Variants in CLGN observed in about 807,000 individuals in gnomAD.
The protein encoded by CLGN is testis tissue sperm-binding protein Li 79P.
In CLGN, 62 loss-of-function variants were observed where a neutral mutation model predicts 79.1. The ratio of observed to expected loss-of-function variants is 0.78; its 90% confidence interval spans 0.64 to 0.97. The LOEUF is 0.97. Ranked by LOEUF, CLGN falls within the 50% of genes least tolerant of loss-of-function variation. The pLI, the probability that CLGN is intolerant of heterozygous loss-of-function variation, is 0.00. For missense variants in CLGN, 647 were observed against 715.5 expected, an observed-to-expected ratio of 0.90 and a Z score of 1.09; for synonymous variants, 225 against 224.7, an observed-to-expected ratio of 1.00 and a Z score of -0.01.
At chr4:140,417,449 A>T (rs1279908616) in intron 1 of CLGN, among the ~76,000 whole-genome samples, 30 of 137,466 alleles carry the variant, frequency 2.2e-4, no homozygotes, top group Non-Finnish European at 3.6e-4. Flanking sequence ...TATCTAGAAA[A>T]CCCCATTGTC....
intron 8 of CLGN, among the ~76,000 whole-genome samples, chr4:140,397,336 T>C (rs1728909584): frequency 6.6e-6 from 1 of 152,144 alleles, no homozygotes; most frequent in South Asian, 2.1e-4. Context: ...GCATAAGTGA[T>C]ACACAAAAAC....
In CLGN at chr4:140,401,939, A is replaced by G. The variant is rs779307612; in HGVS notation, c.501+46T>C. ...GTTTTATCATTTGTTCCTTAAAAAT[A>G]CTTATTAACTTTAATAAGGTTTTCT... On this transcript the variant is annotated intron_variant, in intron 6 of 14. Transcript: ENST00000325617. 5.0e-6 allele frequency: 5 copies of G among 1,009,296 alleles called. No individual in the cohort carries two copies. The South Asian group carries it at 7.6e-5, about 15-fold the overall frequency. 62.5% of individuals were successfully genotyped at this position (1,009,296 alleles called of 1,614,324 possible). A position where few individuals can be genotyped will look rare whatever the true frequency, so the allele number is the denominator to read the frequency against.
chr4:140,399,070 T>C, intron 7 of CLGN, 30 bp from the exon 8 acceptor site: 3 of 1,544,764 alleles, frequency 1.9e-6, no homozygotes, highest in Non-Finnish European at 2.6e-6. Flanking sequence ...AAATTATAGT[T>C]ATCATTTTGA....
chr4:140,405,533 A>G (rs571371572), intron 5 of CLGN, among the ~76,000 whole-genome samples: 3 of 152,352 alleles, frequency 2.0e-5, no homozygotes, highest in South Asian at 4.1e-4. Context: ...TTTACTATGC[A>G]TTATATAGTT....
At chr4:140,392,777 TA>T (rs1728800148) in intron 11 of CLGN, 66 bp from the exon 12 acceptor site, 1 of 1,430,506 alleles carries the variant, frequency 7.0e-7, no homozygotes, top group Non-Finnish European at 9.2e-7. Flanking sequence ...TAACACAAGA[TA>T]CAAAAAAACT....
intron 1 of CLGN, among the ~76,000 whole-genome samples, chr4:140,417,990 G>C (rs1729378922): frequency 6.6e-6 from 1 of 152,124 alleles, no homozygotes; most frequent in Non-Finnish European, 1.5e-5. Context: ...CATGGTACTG[G>C]TACCAAAACA....
At chr4:140,422,192 A>C (rs1273535142) in intron 1 of CLGN, among the ~76,000 whole-genome samples, 1 of 152,224 alleles carries the variant, frequency 6.6e-6, no homozygotes, top group African/African-American at 2.4e-5. Flanking sequence ...CTTTGTAATA[A>C]GTTTTGAAAC....
intron 2 of CLGN, 83 bp from the exon 3 acceptor site, chr4:140,410,709 T>TATGTA: frequency 1.2e-6 from 1 of 848,424 alleles, no homozygotes; most frequent in East Asian, 2.5e-5. Context: ...AAGAACATAG[T>TATGTA]ATGTAATGCA....
At chr4:140,409,058 G>A (rs1729164361) in intron 4 of CLGN, among the ~76,000 whole-genome samples, 1 of 151,874 alleles carries the variant, frequency 6.6e-6, no homozygotes, top group South Asian at 2.1e-4. Context: ...CTATGAAAAG[G>A]AAGCAGACAG....
At chr4:140,405,604 A>C (rs945296578) in intron 5 of CLGN, among the ~76,000 whole-genome samples, 1 of 152,224 alleles carries the variant, frequency 6.6e-6, no homozygotes, top group Non-Finnish European at 1.5e-5. Context: ...TTTTTTTAAG[A>C]GAGCCAAACT....
rs760197947 is a variant in CLGN at position 140,393,888 on chromosome 4, C to T, written c.1303G>A (p.Val435Ile). 4 of 1,613,648 alleles carry T rather than the reference C, an allele frequency of 2.5e-6. No homozygotes were observed. The highest frequency in any genetic ancestry group is 2.7e-5 in the African/African-American group (2 of 74,926). Residue 435 changes from valine (V) to isoleucine (I), a missense_variant, in exon 11 of 15, where the codon GTA (valine) becomes ATA (isoleucine). Transcript: ENST00000325617. ...DNFIICSEKE[V>I]ADHWAADGWR... is the part of the protein sequence containing the mutation. Reference sequence around the variant, plus strand: ...CCATCTGCAGCCCAGTGATCTGCTACTTCCTTTTCCGAACAGATAATAAAA... The same window carrying T: ...CCATCTGCAGCCCAGTGATCTGCTATTTCCTTTTCCGAACAGATAATAAAA...
At chr4:140,406,900 T>A (rs1418550059) in intron 4 of CLGN, among the ~76,000 whole-genome samples, 1 of 152,232 alleles carries the variant, frequency 6.6e-6, no homozygotes, top group Non-Finnish European at 1.5e-5. Flanking sequence ...ATGATAGGTA[T>A]TGCCTATTCC....
intron 11 of CLGN, 139 bp from the exon 12 acceptor site, chr4:140,392,850 T>C (rs1298144179): frequency 1.4e-6 from 1 of 692,436 alleles, no homozygotes; most frequent in Non-Finnish European, 2.1e-6. Context: ...AGTTTCATTT[T>C]CCCACCTTAT....
Position 140,390,616 on chromosome 4 carries a change from A to T in CLGN, c.1752+12T>A. 6.4e-7 allele frequency: 1 copy of T among 1,557,810 alleles called. No individual in the cohort carries two copies. Among genetic ancestry groups the T allele is most frequent in the Non-Finnish European group, 8.7e-7 (1 of 1,147,858 alleles). On this transcript the variant is annotated intron_variant, in intron 14 of 14. Coordinates refer to ENST00000325617, the MANE Select transcript of CLGN (RefSeq NM_004362.3). ...AACAACTATACATAGAAACCAGCTT[A>T]TTTTCTGTTACCTCATCCTCTGACC...
intron 1 of CLGN, among the ~76,000 whole-genome samples, chr4:140,420,273 A>G (rs901160593): frequency 6.6e-6 from 1 of 152,124 alleles, no homozygotes; most frequent in African/African-American, 2.4e-5. Context: ...TGTATTCTAT[A>G]TTATAGTTTT....
intron 11 of CLGN, 137 bp downstream of exon 11, chr4:140,393,689 T>C (rs1182122943): frequency 1.4e-6 from 1 of 727,536 alleles, no homozygotes; most frequent in Non-Finnish European, 2.2e-6. Context: ...CATAAACTTA[T>C]TCAAACACAT....
chr4:140,423,043 T>C (rs576513422), intron 1 of CLGN, among the ~76,000 whole-genome samples: 1 of 152,322 alleles, frequency 6.6e-6, no homozygotes, highest in East Asian at 1.9e-4. Flanking sequence ...TGAATGTCTT[T>C]TTTCTTTCTT....
intron 1 of CLGN, among the ~76,000 whole-genome samples, chr4:140,427,178 G>A (rs1196418900): frequency 1.1e-4 from 16 of 152,172 alleles, no homozygotes; most frequent in Admixed American, 1.0e-3. Context: ...CTCGGCTCCC[G>A]GTGGCTCCTC....
chr4:140,426,141 A>C (rs1018538168), intron 1 of CLGN, among the ~76,000 whole-genome samples: 1 of 152,154 alleles, frequency 6.6e-6, no homozygotes, highest in Non-Finnish European at 1.5e-5. Context: ...GATATAATAA[A>C]AAGTACACCC....
Sources: gnomAD v4.1 joint callset for allele counts (sites outside exome capture counted in the v4.1 genomes callset) on GRCh38, gnomAD v4.1.1 for gene constraint, MANE v1.5 for transcripts, NCBI Gene and HGNC (gene_info 2026-07-23, HGNC 2026-07-21) for gene names.